Variants in SHROOM2 observed in about 807,000 individuals in gnomAD.
The protein encoded by SHROOM2 is protein Shroom2.
Under a neutral mutation model 75.9 loss-of-function variants are expected in SHROOM2, and 33 were observed. The observed-to-expected ratio is 0.43, with a 90% CI of 0.33 to 0.58. SHROOM2 has a LOEUF of 0.58. SHROOM2 is among the 20% of genes least tolerant of loss of function. The pLI is 0.04. For synonymous variants in SHROOM2, 655 were observed against 663.6 expected, an observed-to-expected ratio of 0.99 and a Z score of 0.20; for missense variants, 1,434 against 1,461.2, an observed-to-expected ratio of 0.98 and a Z score of 0.30.
intron 1 of SHROOM2, among the ~76,000 whole-genome samples, chrX:9,814,286 A>G (rs958013846): frequency 9.0e-6 from 1 of 111,661 alleles, no homozygotes; most frequent in African/African-American, 3.3e-5. Context: ...CCCAGCTGCA[A>G]CATTAAAAGC....
intron 8 of SHROOM2, among the ~76,000 whole-genome samples, chrX:9,941,771 G>A (rs28408014): frequency 0.047 from 5,111 of 108,015 alleles, 167 homozygotes; most frequent in Middle Eastern, 0.078. Flanking sequence ...GCAGATCGAG[G>A]CCATCCTGGC....
chrX:9,833,830 G>C (rs1367170171), intron 1 of SHROOM2, among the ~76,000 whole-genome samples: 3 of 111,365 alleles, frequency 2.7e-5, no homozygotes, highest in Non-Finnish European at 5.7e-5. Flanking sequence ...GTGTCTCCCT[G>C]TCCCACCCCA....
chrX:9,856,814 A>C (rs2084073171), intron 1 of SHROOM2, among the ~76,000 whole-genome samples: 1 of 112,177 alleles, frequency 8.9e-6, no homozygotes, highest in Admixed American at 9.5e-5. Context: ...GGGTGGTACC[A>C]GACATTTCTG....
intron 1 of SHROOM2, among the ~76,000 whole-genome samples, chrX:9,853,526 C>T (rs1367048230): frequency 4.5e-5 from 5 of 111,831 alleles, no homozygotes; most frequent in Admixed American, 9.4e-5. Flanking sequence ...TTTCCTGCTT[C>T]TGTGACTCCA....
chrX:9,834,727 G>A (rs1052599138), intron 1 of SHROOM2, among the ~76,000 whole-genome samples: 1 of 111,345 alleles, frequency 9.0e-6, no homozygotes, highest in African/African-American at 3.3e-5. Flanking sequence ...TGTTGCCCAG[G>A]CTGTGGCACA....
chrX:9,903,269 T>C (rs182518643), intron 5 of SHROOM2, among the ~76,000 whole-genome samples: 2 of 112,524 alleles, frequency 1.8e-5, no homozygotes, highest in East Asian at 5.6e-4. Flanking sequence ...CTCAGGGCAA[T>C]TGAAGCTTTC....
At chrX:9,792,056 G>C (rs1601906066) in intron 1 of SHROOM2, among the ~76,000 whole-genome samples, 1 of 2,505 alleles carries the variant, frequency 4.0e-4, no homozygotes, top group South Asian at 9.1e-3. Flanking sequence ...GAATAGAATA[G>C]AATAGAATAG....
chrX:9,855,628 A>G (rs1193035176), intron 1 of SHROOM2, among the ~76,000 whole-genome samples: 14 of 111,918 alleles, frequency 1.3e-4, no homozygotes, highest in Non-Finnish European at 5.6e-5. Flanking sequence ...GAGTGAAACA[A>G]GGCTGCTACG....
At chrX:9,941,506 G>C (rs192307539) in intron 8 of SHROOM2, among the ~76,000 whole-genome samples, 2 of 111,931 alleles carry the variant, frequency 1.8e-5, no homozygotes, top group African/African-American at 6.5e-5. Context: ...AGGGGAAATG[G>C]TTTCAATAAA....
chrX:9,852,723 A>T (rs1229865595), intron 1 of SHROOM2, among the ~76,000 whole-genome samples: 1 of 112,988 alleles, frequency 8.9e-6, no homozygotes, highest in Non-Finnish European at 1.9e-5. Context: ...CTGCAATAAA[A>T]ATGATGATTG....
At chrX:9,889,033 A>G (rs184371255) in intron 2 of SHROOM2, among the ~76,000 whole-genome samples, 4,486 of 112,048 alleles carry the variant, frequency 0.04, 88 homozygotes, top group Non-Finnish European at 0.065. Flanking sequence ...GAAGTTGTGG[A>G]TGTCATAGCA....
chrX:9,893,505 A>G (rs934389075), intron 3 of SHROOM2, among the ~76,000 whole-genome samples: 1 of 112,001 alleles, frequency 8.9e-6, no homozygotes, highest in African/African-American at 3.2e-5. Context: ...CTCTTTCATT[A>G]TAGCCCAAGA....
chrX:9,862,126 GGCTCTTT>G (rs1569152411), intron 1 of SHROOM2, among the ~76,000 whole-genome samples: 5 of 111,724 alleles, frequency 4.5e-5, no homozygotes, highest in Non-Finnish European at 9.4e-5. Flanking sequence ...TTTACATTAC[GGCTCTTT>G]GTGAAAAAGT....
chrX:9,905,638 G>A (rs375535129), intron 5 of SHROOM2, among the ~76,000 whole-genome samples: 17 of 113,262 alleles, frequency 1.5e-4, no homozygotes, highest in African/African-American at 5.4e-4. Context: ...ACATCCTTGG[G>A]AACATGTCTG....
At chrX:9,929,000 G>A (rs2084621882) in intron 5 of SHROOM2, among the ~76,000 whole-genome samples, 1 of 112,606 alleles carries the variant, frequency 8.9e-6, no homozygotes, top group Non-Finnish European at 1.9e-5. Flanking sequence ...ACATAGATCT[G>A]TACACATACA....
chrX:9,805,199 C>T (rs1322831383), intron 1 of SHROOM2, among the ~76,000 whole-genome samples: 2 of 110,928 alleles, frequency 1.8e-5, no homozygotes, highest in Non-Finnish European at 3.8e-5. Flanking sequence ...GAGCCGAGAT[C>T]GCACCACTGC....
intron 1 of SHROOM2, among the ~76,000 whole-genome samples, chrX:9,816,097 ATGTTGTAG>A (rs945160077): frequency 5.3e-5 from 6 of 112,553 alleles, no homozygotes; most frequent in Middle Eastern, 4.6e-3. Context: ...AGATTCATCC[ATGTTGTAG>A]TGTGTATCAG....
intron 1 of SHROOM2, among the ~76,000 whole-genome samples, chrX:9,819,768 G>C: frequency 9.2e-6 from 1 of 108,277 alleles, no homozygotes; most frequent in Non-Finnish European, 1.9e-5. Flanking sequence ...GCATCACGTC[G>C]AGTCCACCCT....
chrX:9,909,299 C>T, intron 5 of SHROOM2, among the ~76,000 whole-genome samples: 1 of 112,747 alleles, frequency 8.9e-6, no homozygotes. Context: ...AATGAATCCA[C>T]AGCCCAGACT....
Sources: gnomAD v4.1 joint callset for allele counts (sites outside exome capture counted in the v4.1 genomes callset) on GRCh38, gnomAD v4.1.1 for gene constraint, MANE v1.5 for transcripts, NCBI Gene and HGNC (gene_info 2026-07-23, HGNC 2026-07-21) for gene names.